The following PLCB3 variants were observed in gnomAD, a reference collection of about 807,000 sequenced individuals.
The protein encoded by PLCB3 is 1-phosphatidylinositol 4,5-bisphosphate phosphodiesterase beta-3.
PLCB3 carries 54 observed loss-of-function variants against 152.1 expected under a neutral mutation model. That is an observed-to-expected ratio of 0.36 (90% CI 0.29 to 0.45). PLCB3 has a LOEUF of 0.45. Ranked by LOEUF, PLCB3 falls within the 20% of genes least tolerant of loss-of-function variation. The pLI, the probability that PLCB3 is intolerant of heterozygous loss-of-function variation, is 1.00. For synonymous variants in PLCB3, 717 were observed against 698.7 expected, an observed-to-expected ratio of 1.03 and a Z score of -0.41; for missense variants, 1,248 against 1,687.5, an observed-to-expected ratio of 0.74 and a Z score of 4.56.
At position 64,262,543 on chromosome 11, in the gene PLCB3, C is replaced by T. The variant is rs775114439; in HGVS notation, c.2175C>T (p.Ala725=). The part of the protein sequence containing the change: ...FTEVIVDGIV[A]NALRVKVISG... The stretch of plus-strand genomic sequence containing the variant: ...AGGTCATCGTGGATGGCATCGTGGC[C>T]AATGCCTTGCGGGTCAAGGTGGGGC... Residue 725 remains alanine, a synonymous_variant, in exon 18 of 31, where the codon GCC becomes GCT. Transcript: ENST00000279230. 1.2e-6 allele frequency: 2 copies of T among 1,613,872 alleles called. No homozygotes were observed. The highest frequency in any genetic ancestry group is 2.2e-5 in the South Asian group (2 of 91,082).
chr11:64,262,335 G>A, intron 17 of PLCB3, 72 bp from the exon 18 acceptor site: 1 of 1,559,340 alleles, frequency 6.4e-7, no homozygotes, highest in Non-Finnish European at 8.8e-7. Flanking sequence ...CTGACCTGAT[G>A]ATCTCCCATT....
intron 16 of PLCB3, 118 bp downstream of exon 16, chr11:64,261,783 C>T (rs2031865835): frequency 7.1e-7 from 1 of 1,415,442 alleles, no homozygotes; most frequent in African/African-American, 1.4e-5. Context: ...GGCGGCCCTC[C>T]TGCACCCTGG....
intron 1 of PLCB3, among the ~76,000 whole-genome samples, chr11:64,253,368 A>G (rs2031339311): frequency 6.6e-6 from 1 of 152,240 alleles, no homozygotes; most frequent in Non-Finnish European, 1.5e-5. Flanking sequence ...ACAACAGCAC[A>G]TGCCTCTTAG....
chr11:64,255,538 C>T lies in PLCB3; in HGVS notation c.522-3C>T. 1 of 1,614,064 alleles carries T rather than the reference C, an allele frequency of 6.2e-7. No individual in the cohort carries two copies. The highest frequency in any genetic ancestry group is 1.1e-5 in the South Asian group (1 of 91,090). ...GACCCTGAACCCCTCCTGCCCGCAT[C>T]AGCATCCTGAAGATGTTCTCAGCAG... On this transcript the variant is annotated splice_polypyrimidine_tract_variant and splice_region_variant and intron_variant, in intron 6 of 30. Coordinates refer to ENST00000279230, the MANE Select transcript of PLCB3 (RefSeq NM_000932.5). The surrounding 1 kb of genome is among the most constrained non-coding windows in gnomAD (Gnocchi z 6.8).
chr11:64,252,893 G>C (rs1401761988), intron 1 of PLCB3, among the ~76,000 whole-genome samples: 9 of 152,174 alleles, frequency 5.9e-5, no homozygotes, highest in Non-Finnish European at 1.5e-5. Context: ...CCCCTGGGGA[G>C]AGGTGGGAGG....
At chr11:64,264,232 C>G (rs537291155) in intron 22 of PLCB3, 120 bp downstream of exon 22, 1 of 619,894 alleles carries the variant, frequency 1.6e-6, no homozygotes, top group East Asian at 3.0e-5. Context: ...CTTGGCAGCC[C>G]TGGGATTTTG....
In PLCB3 at chr11:64,265,400, G is replaced by A. The variant is rs1385082928; in HGVS notation, c.2933G>A (p.Arg978His). 12 of 1,612,406 alleles carry A rather than the reference G, an allele frequency of 7.4e-6. No homozygotes were observed. The highest frequency in any genetic ancestry group is 2.2e-5 in the East Asian group (1 of 44,858). Reference protein sequence around the residue: ...SRQERDLRELRKKHQRKAVTL... With the variant: ...SRQERDLRELHKKHQRKAVTL... The stretch of plus-strand genomic sequence containing the variant: ...CAAGAGCGAGACCTGCGGGAGCTGC[G>A]CAAGAAGCATCAGCGGAAGGCAGTC... The change falls in exon 25 of 31, where the codon CGC (arginine) becomes CAC (histidine). Residue 978 changes from arginine to histidine, a missense_variant. Physicochemically the swap from Arg to His is conservative, Grantham distance 29. Coordinates refer to ENST00000279230, the MANE Select transcript of PLCB3 (RefSeq NM_000932.5).
In PLCB3 at chr11:64,259,141, C is replaced by T. The variant is rs766326339; in HGVS notation, c.1422C>T (p.Ser474=). Residue 474 remains serine (S), a synonymous_variant, in exon 13 of 31, where the codon AGC becomes AGT. Coordinates refer to ENST00000279230, the MANE Select transcript of PLCB3 (RefSeq NM_000932.5). ...LVKNKKRHRP[S]AGGPDSAGRK... ...AGAACAAGAAGCGGCACCGACCCAG[C>T]GCAGGTGGCCCAGACAGCGCCGGGC... 5 of 1,610,948 alleles carry T rather than the reference C, an allele frequency of 3.1e-6. No individual in the cohort carries two copies. The highest frequency in any genetic ancestry group is 2.2e-5 in the South Asian group (2 of 90,710).
chr11:64,259,931 C>G (rs1003634188), intron 13 of PLCB3, 98 bp from the exon 14 acceptor site: 1 of 983,640 alleles, frequency 1.0e-6, no homozygotes, highest in Non-Finnish European at 1.5e-6. Flanking sequence ...TTGAATTCCC[C>G]ACTGAGTCAC....
chr11:64,262,777 T>C lies in PLCB3; in HGVS notation c.2324T>C (p.Val775Ala). The C allele has an allele frequency of 6.2e-7, 1 of 1,613,676 alleles. No individual in the cohort carries two copies. Among genetic ancestry groups the C allele is most frequent in the Non-Finnish European group, 8.5e-7 (1 of 1,179,976 alleles). ...RTSQGNSFNP[V>A]WDEEPFDFPK... ...TCTCAGGGGAACTCGTTCAACCCCG[T>C]GTGGGACGAAGAGCCCTTCGACTTC... Residue 775 changes from valine to alanine, a missense_variant, in exon 19 of 31, where the codon GTG becomes GCG. By Grantham distance (64) the Val-to-Ala change is moderately conservative. Transcript: ENST00000279230.
intron 10 of PLCB3, among the ~76,000 whole-genome samples, chr11:64,257,589 G>A (rs1421295104): frequency 6.6e-5 from 10 of 151,842 alleles, no homozygotes; most frequent in Admixed American, 6.6e-4. Flanking sequence ...CTGCACTCCA[G>A]CCTGGGTGAC....
At chr11:64,253,354 A>G (rs1175384737) in intron 1 of PLCB3, among the ~76,000 whole-genome samples, 1 of 152,198 alleles carries the variant, frequency 6.6e-6, no homozygotes, top group Non-Finnish European at 1.5e-5. Context: ...GTAAAATGGG[A>G]GTGACAACAG....
In PLCB3 at chr11:64,264,974, C is replaced by T. The variant is rs747764456; in HGVS notation, c.2676C>T (p.Cys892=). The T allele has an allele frequency of 1.9e-6, 3 of 1,612,638 alleles. No individual in the cohort carries two copies. Among genetic ancestry groups the T allele is most frequent in the African/African-American group, 2.7e-5 (2 of 74,846 alleles). ...ESEAQAGQET[C]QDTQSQQLGS... ...AGGCTCAGGCTGGCCAAGAGACGTG[C>T]CAGGACACCCAGTCTCAGCAGCTGG... The change falls in exon 23 of 31, where the codon TGC becomes TGT. Residue 892 remains cysteine (C), a synonymous_variant. Coordinates refer to ENST00000279230, the MANE Select transcript of PLCB3 (RefSeq NM_000932.5).
downstream of PLCB3, chr11:64,268,766 C>G (rs1001709977): frequency 6.6e-6 from 1 of 152,300 alleles, no homozygotes; most frequent in South Asian, 2.1e-4. Context: ...CCAGGCTGCC[C>G]GCCTGCATCC....
At chr11:64,260,634 G>A (rs1157594671) in intron 14 of PLCB3, among the ~76,000 whole-genome samples, 4 of 151,956 alleles carry the variant, frequency 2.6e-5, no homozygotes, top group Admixed American at 6.6e-5. Context: ...TGAGCTGGGC[G>A]TGGTGGCTCA....
At chr11:64,262,141 C>T (rs1199371255) in intron 17 of PLCB3, 65 bp downstream of exon 17, 4 of 1,602,034 alleles carry the variant, frequency 2.5e-6, no homozygotes, top group Non-Finnish European at 3.4e-6. Flanking sequence ...ACCCACGATC[C>T]TGCTGGTCTT....
Position 64,259,222 on chromosome 11 carries a change from C to A in PLCB3, c.1503C>A (p.Thr501=), listed in dbSNP as rs368651259. 5.2e-6 allele frequency: 8 copies of A among 1,551,718 alleles called. No individual in the cohort carries two copies. The Admixed American group carries it at 9.3e-5, about 18-fold the overall frequency. The stretch of plus-strand genomic sequence containing the variant: ...CCCTGAGCGAGAGCTCCGCGGCCAC[C>A]GAGCCCTCCTCCCCGCAGCTGGGTA... ...NSALSESSAA[T]EPSSPQLGSP... Residue 501 remains threonine, a synonymous_variant, in exon 13 of 31, where the codon ACC becomes ACA. Transcript: ENST00000279230.
In PLCB3 at chr11:64,267,629, T is replaced by C. The variant is rs2135071486; in HGVS notation, c.*73T>C. ...GGGCAGGAGGCAATGACACTAATGC[T>C]TTTTTTTTTTTTTTTTAACTTTTTA... On this transcript the variant is annotated 3_prime_UTR_variant, in exon 31 of 31. Coordinates refer to ENST00000279230, the MANE Select transcript of PLCB3 (RefSeq NM_000932.5). This position sits in a 1 kb window ranked among gnomAD's most constrained non-coding sequence, Gnocchi z 5.2. The C allele has an allele frequency of 4.2e-5, 6 of 144,006 alleles. No individual in the cohort carries two copies. In the South Asian group the frequency reaches 8.5e-4, roughly 20 times the overall value. 8.9% of individuals were successfully genotyped at this position (144,006 alleles called of 1,614,324 possible).
rs1279624547 is a variant in PLCB3 at position 64,262,039 on chromosome 11, A to C, written c.2001A>C (p.Val667=). 2.8e-5 allele frequency: 45 copies of C among 1,614,188 alleles called. No individual in the cohort carries two copies. The highest frequency in any genetic ancestry group is 3.7e-5 in the Non-Finnish European group (44 of 1,180,018). The change falls in exon 17 of 31, where the codon GTA becomes GTC. Residue 667 remains valine (V), a synonymous_variant. Transcript: ENST00000279230. The stretch of plus-strand genomic sequence containing the variant: ...ACATGCCCCAGCTCTTCTGGAACGT[A>C]GGGTGCCAGCTTGTTGCGCTCAACT... ...SNYMPQLFWN[V]GCQLVALNFQ... is the part of the protein sequence containing the mutation.
Sources: gnomAD v4.1 joint callset for allele counts (sites outside exome capture counted in the v4.1 genomes callset) on GRCh38, gnomAD v4.1.1 for gene constraint, Gnocchi (gnomAD v3.1) non-coding constraint, MANE v1.5 for transcripts, NCBI Gene and HGNC (gene_info 2026-07-23, HGNC 2026-07-21) for gene names.